Variants in DOT1L observed in about 807,000 individuals in gnomAD.
DOT1L encodes the protein DOT1 like histone lysine methyltransferase.
DOT1L carries 33 observed loss-of-function variants against 153.3 expected under a neutral mutation model. The observed-to-expected ratio is 0.22, with a 90% CI of 0.16 to 0.29. The LOEUF is 0.29. Among genes scored for constraint, DOT1L ranks in the 10% least tolerant of loss-of-function variants. DOT1L has a pLI of 1.00. For synonymous variants in DOT1L, 1,135 were observed against 965.1 expected, an observed-to-expected ratio of 1.18 and a Z score of -3.26; for missense variants, 1,847 against 2,119.9, an observed-to-expected ratio of 0.87 and a Z score of 2.53.
intron 2 of DOT1L, among the ~76,000 whole-genome samples, chr19:2,183,386 G>A (rs1162454313): frequency 2.6e-5 from 4 of 152,166 alleles, no homozygotes; most frequent in African/African-American, 9.7e-5. Flanking sequence ...GGCCAGGCTG[G>A]TCTCAAACTC....
intron 25 of DOT1L, among the ~76,000 whole-genome samples, chr19:2,224,227 A>G (rs945173917): frequency 2.0e-5 from 3 of 152,138 alleles, no homozygotes; most frequent in African/African-American, 7.2e-5. Context: ...TGCTGTGGCC[A>G]TGGGTGTGCG....
At chr19:2,195,245 T>TG (rs1197167162) in intron 7 of DOT1L, among the ~76,000 whole-genome samples, 7 of 152,054 alleles carry the variant, frequency 4.6e-5, no homozygotes, top group African/African-American at 1.7e-4. Context: ...CCACCACTCC[T>TG]GCATCCTCCT....
intron 22 of DOT1L, among the ~76,000 whole-genome samples, chr19:2,219,750 C>G (rs1372135926): frequency 6.6e-6 from 1 of 152,210 alleles, no homozygotes; most frequent in African/African-American, 2.4e-5. Context: ...CCCCACCCGA[C>G]TGCTGGCATT....
At chr19:2,185,833 C>A (rs539674849) in intron 2 of DOT1L, 22 bp from the exon 3 acceptor site, 13 of 1,612,654 alleles carry the variant, frequency 8.1e-6, no homozygotes, top group African/African-American at 6.7e-5. Context: ...CCTTCCTGAT[C>A]GTTTCTGCTG....
rs2022745514 is a variant in DOT1L at position 2,190,546 on chromosome 19, A to G, written c.265-466A>G. Among the ~76,000 whole-genome samples, 1 of 151,910 alleles carries G rather than the reference A, an allele frequency of 6.6e-6. No individual in the cohort carries two copies. Among genetic ancestry groups the G allele is most frequent in the Admixed American group, 6.6e-5 (1 of 15,252 alleles). On this transcript the variant is annotated intron_variant, in intron 4 of 27. Coordinates refer to ENST00000398665, the MANE Select transcript of DOT1L (RefSeq NM_032482.3). This position sits in a 1 kb window ranked among gnomAD's most constrained non-coding sequence, Gnocchi z 4.8. ...GCTGAGCTGGCCTGGGCGAGAGGGG[A>G]CCACCTCAGCCTGCTGCAGCTGGTG...
chr19:2,193,440 C>T lies in DOT1L; in HGVS notation c.494-249C>T, dbSNP rs940187527. 6.6e-6 allele frequency among the ~76,000 whole-genome samples: 1 copy of T among 152,158 alleles called. No homozygotes were observed. The stretch of plus-strand genomic sequence containing the variant: ...TGAGACTCAAAATGGATTCTGGTTT[C>T]GGGGGCCACCAAGTGATGTCCATGG... On this transcript the variant is annotated intron_variant, in intron 5 of 27. Transcript: ENST00000398665. This position sits in a 1 kb window ranked among gnomAD's most constrained non-coding sequence, Gnocchi z 5.9.
rs1409130757 is a variant in DOT1L at position 2,164,116 on chromosome 19, C to T, written c.-69C>T. On this transcript the variant is annotated 5_prime_UTR_variant, in exon 1 of 28. Coordinates refer to ENST00000398665, the MANE Select transcript of DOT1L (RefSeq NM_032482.3). ...CCCCTCCCTCCCGCCCGCCCTCCTC[C>T]GCCCACCGGCGGCCCCGCCCCTCCC... 4 of 462,900 alleles carry T rather than the reference C, an allele frequency of 8.6e-6. No individual in the cohort carries two copies. Among genetic ancestry groups the T allele is most frequent in the Admixed American group, 6.4e-5 (1 of 15,524 alleles). 28.7% of individuals were successfully genotyped at this position (462,900 alleles called of 1,614,324 possible). A position where few individuals can be genotyped will look rare whatever the true frequency, so the allele number is the denominator to read the frequency against.
At position 2,226,732 on chromosome 19, in the gene DOT1L, C is replaced by T. The variant is rs375419278; in HGVS notation, c.4211C>T (p.Pro1404Leu). The change falls in exon 27 of 28, where the codon CCA (proline) becomes CTA (leucine). Residue 1404 changes from proline (P) to leucine (L), a missense_variant. Transcript: ENST00000398665. ...LPLCGPTDKT[P>L]LLSGKAAKAR... ...CTGTGCGGGCCCACGGACAAGACCC[C>T]ACTGCTGAGCGGCAAGGCCGCCAAG... is the stretch of plus-strand genomic sequence containing the variant. 7.7e-6 allele frequency: 12 copies of T among 1,557,904 alleles called. No individual in the cohort carries two copies. The highest frequency in any genetic ancestry group is 3.6e-5 in the South Asian group (3 of 83,446).
rs1489539491 is a variant in DOT1L at position 2,193,033 on chromosome 19, AG to A, written c.494-652del. Among the ~76,000 whole-genome samples, 2 of 152,160 alleles carry A rather than the reference AG, an allele frequency of 1.3e-5. No individual in the cohort carries two copies. The highest frequency in any genetic ancestry group is 1.3e-4 in the Admixed American group (2 of 15,280). ...TCCCTGGAGCACAGAGCTGCCTAGC[AG>A]GGGAGGAGAGGTGGCTTGACACCCC... On this transcript the variant is annotated intron_variant, in intron 5 of 27. Transcript: ENST00000398665. This position sits in a 1 kb window ranked among gnomAD's most constrained non-coding sequence, Gnocchi z 5.9.
intron 1 of DOT1L, among the ~76,000 whole-genome samples, chr19:2,180,086 T>C (rs2022157385): frequency 6.6e-6 from 1 of 152,068 alleles, no homozygotes; most frequent in African/African-American, 2.4e-5. Context: ...GAGGGATCTG[T>C]GTTAGGCCAA....
chr19:2,220,185 C>T lies in DOT1L; in HGVS notation c.2769C>T (p.His923=), dbSNP rs371516898. The T allele has an allele frequency of 7.9e-5, 127 of 1,613,572 alleles. 1 individual carries two copies. In the African/African-American group the frequency reaches 9.7e-4, roughly 12 times the overall value. ...TLEKQIGANA[H]GAGSRSLALA... ...AAAAGCAGATTGGTGCTAATGCCCA[C>T]GGTGCTGGGAGCAGAAGCCTTGCCC... The change falls in exon 23 of 28, where the codon CAC becomes CAT. Residue 923 remains histidine (H), a synonymous_variant. Transcript: ENST00000398665. This position sits in a 1 kb window ranked among gnomAD's most constrained non-coding sequence, Gnocchi z 4.5.
intron 7 of DOT1L, among the ~76,000 whole-genome samples, chr19:2,198,185 G>A (rs2023098870): frequency 6.6e-6 from 1 of 152,224 alleles, no homozygotes; most frequent in African/African-American, 2.4e-5. Flanking sequence ...TGCGAGCCCG[G>A]ATCTGCTTAG....
At chr19:2,218,583 T>G (rs560085949) in intron 22 of DOT1L, among the ~76,000 whole-genome samples, 2 of 150,540 alleles carry the variant, frequency 1.3e-5, no homozygotes, top group Non-Finnish European at 3.0e-5. Flanking sequence ...TTAGTAGAGA[T>G]GGGGTTTCAC....
chr19:2,200,817 GCCTCTCGTCC>G (rs2144784060), intron 8 of DOT1L, among the ~76,000 whole-genome samples: 1 of 68,334 alleles, frequency 1.5e-5, no homozygotes, highest in South Asian at 5.0e-4. Context: ...TCCTCCCCAC[GCCTCTCGTCC>G]TCCCCGCATT....
At chr19:2,227,689 C>T (rs1309343373) in intron 27 of DOT1L, 5 of 1,294,688 alleles carry the variant, frequency 3.9e-6, no homozygotes, top group South Asian at 3.7e-5. Flanking sequence ...CTGCGCTTGC[C>T]TGGATGCTGC....
chr19:2,181,122 G>A (rs1215321638), intron 2 of DOT1L, among the ~76,000 whole-genome samples: 1 of 152,226 alleles, frequency 6.6e-6, no homozygotes, highest in African/African-American at 2.4e-5. Context: ...CATTCTGGGG[G>A]TGACTTGGAT....
At chr19:2,167,590 C>G (rs867744164) in intron 1 of DOT1L, among the ~76,000 whole-genome samples, 2 of 152,238 alleles carry the variant, frequency 1.3e-5, no homozygotes, top group Admixed American at 1.3e-4. Flanking sequence ...TGGCCCACTG[C>G]CGGGCCCAGC....
chr19:2,171,460 G>A (rs1247692376), intron 1 of DOT1L, among the ~76,000 whole-genome samples: 3 of 152,172 alleles, frequency 2.0e-5, no homozygotes, highest in Non-Finnish European at 4.4e-5. Context: ...ACACCTGGTG[G>A]CGTCTAGAGA....
At chr19:2,174,958 ATGTGTGTGTGTGTGTG>A (rs71337121) in intron 1 of DOT1L, among the ~76,000 whole-genome samples, 2,508 of 130,036 alleles carry the variant, frequency 0.019, 34 homozygotes, top group Non-Finnish European at 0.028. Context: ...TTTTAAATAT[ATGTGTGTGTGTGTGTG>A]TGTGTGTGTG....
Sources: gnomAD v4.1 joint callset for allele counts (sites outside exome capture counted in the v4.1 genomes callset) on GRCh38, gnomAD v4.1.1 for gene constraint, Gnocchi (gnomAD v3.1) non-coding constraint, MANE v1.5 for transcripts, NCBI Gene and HGNC (gene_info 2026-07-23, HGNC 2026-07-21) for gene names.